TBXAS1: variants seen among roughly 807,000 people sequenced by gnomAD.
TBXAS1 encodes the protein thromboxane A synthase 1, also known as thromboxane-A synthase.
Under a neutral mutation model 60.7 loss-of-function variants are expected in TBXAS1, and 48 were observed. That is an observed-to-expected ratio of 0.79 (90% CI 0.63 to 1.01). TBXAS1 has a LOEUF of 1.01. Among genes scored for constraint, TBXAS1 ranks in the 50% least tolerant of loss-of-function variants. TBXAS1 has a pLI of 0.00. For synonymous variants in TBXAS1, 287 were observed against 269.7 expected, an observed-to-expected ratio of 1.06 and a Z score of -0.63; for missense variants, 685 against 686.3, an observed-to-expected ratio of 1.00 and a Z score of 0.02.
At chr7:139,835,855 A>G (rs1460845098) in intron 1 of TBXAS1, among the ~76,000 whole-genome samples, 2 of 152,254 alleles carry the variant, frequency 1.3e-5, no homozygotes, top group African/African-American at 2.4e-5. Flanking sequence ...TTTGCTGACA[A>G]TACAATCGTT....
chr7:140,009,950 CCCA>C (rs145564788), intron 10 of TBXAS1, among the ~76,000 whole-genome samples: 26 of 89,794 alleles, frequency 2.9e-4, no homozygotes, highest in African/African-American at 1.4e-3. Flanking sequence ...CCGCACCTGC[CCCA>C]CACCTGCCCC....
intron 3 of TBXAS1, among the ~76,000 whole-genome samples, chr7:139,888,977 G>A (rs748698676): frequency 1.3e-5 from 2 of 151,964 alleles, no homozygotes; most frequent in Non-Finnish European, 2.9e-5. Context: ...ACAGGTGAGA[G>A]AGATAAGAGT....
intron 4 of TBXAS1, among the ~76,000 whole-genome samples, chr7:139,790,629 A>G (rs1314453004): frequency 1.3e-5 from 2 of 152,250 alleles, no homozygotes; most frequent in Non-Finnish European, 2.9e-5. Context: ...AAATGAATGT[A>G]CATAGTAATA....
intron 9 of TBXAS1, among the ~76,000 whole-genome samples, chr7:139,972,048 G>C (rs1270346022): frequency 2.6e-5 from 4 of 152,202 alleles, no homozygotes; most frequent in African/African-American, 9.7e-5. Flanking sequence ...GCAGGGTGAA[G>C]AGCAGGACAG....
intron 4 of TBXAS1, among the ~76,000 whole-genome samples, chr7:139,919,388 AC>A (rs904042636): frequency 6.6e-6 from 1 of 152,210 alleles, no homozygotes; most frequent in African/African-American, 2.4e-5. Flanking sequence ...CATTACAACC[AC>A]TGAGGTATAA....
intron 3 of TBXAS1, among the ~76,000 whole-genome samples, chr7:139,881,133 C>T (rs928925577): frequency 2.6e-5 from 4 of 152,144 alleles, no homozygotes; most frequent in Non-Finnish European, 5.9e-5. Context: ...GATCTTTTCC[C>T]ACTTTATTTG....
intron 9 of TBXAS1, among the ~76,000 whole-genome samples, chr7:139,993,294 G>A (rs1813058699): frequency 6.6e-6 from 1 of 152,140 alleles, no homozygotes; most frequent in Non-Finnish European, 1.5e-5. Context: ...ATCATGTTGG[G>A]GAATAGGGTT....
intron 1 of TBXAS1, among the ~76,000 whole-genome samples, chr7:139,870,001 T>G (rs987233469): frequency 1.3e-5 from 2 of 152,190 alleles, no homozygotes; most frequent in Non-Finnish European, 2.9e-5. Context: ...CAGATTTGGG[T>G]GCAGGAACTT....
chr7:139,992,595 A>C (rs1812996875), intron 9 of TBXAS1, among the ~76,000 whole-genome samples: 1 of 152,222 alleles, frequency 6.6e-6, no homozygotes, highest in Non-Finnish European at 1.5e-5. Flanking sequence ...CAGGTGGAGG[A>C]GGCGGCCCTG....
intron 4 of TBXAS1, among the ~76,000 whole-genome samples, chr7:139,926,513 C>G (rs1395201017): frequency 2.0e-5 from 3 of 151,826 alleles, no homozygotes; most frequent in South Asian, 4.2e-4. Context: ...TTTACTTGAG[C>G]CTTCTTTCTT....
intron 5 of TBXAS1, among the ~76,000 whole-genome samples, chr7:139,943,322 G>A (rs1354748642): frequency 2.0e-5 from 3 of 152,202 alleles, no homozygotes; most frequent in Non-Finnish European, 4.4e-5. Flanking sequence ...CTAGCAGCGA[G>A]AGACCATTAT....
chr7:139,882,631 G>T (rs1432977051), intron 3 of TBXAS1, among the ~76,000 whole-genome samples: 1 of 152,166 alleles, frequency 6.6e-6, no homozygotes, highest in Non-Finnish European at 1.5e-5. Flanking sequence ...AATATACATA[G>T]TATATTGAGA....
At position 139,877,425 on chromosome 7, in the gene TBXAS1, GTTGT is replaced by G. The variant is rs555851588; in HGVS notation, c.236+1799_236+1802del. ...TTTGTTTTTGTTTTTTGTTGTTGTTGTTGTTTGTTTGTTTTGCAATAGAGTCTTG... is the reference window on the plus strand; with the variant it reads ...TTTGTTTTTGTTTTTTGTTGTTGTTGTTGTTTGTTTTGCAATAGAGTCTTG... On this transcript the variant is annotated intron_variant, in intron 3 of 12. Coordinates refer to ENST00000448866, the MANE Select transcript of TBXAS1 (RefSeq NM_001061.7). Among the ~76,000 whole-genome samples the G allele has an allele frequency of 1.0e-2, 1,515 of 152,208 alleles. 9 individuals carry two copies. Among genetic ancestry groups the G allele is most frequent in the Non-Finnish European group, 0.016 (1,055 of 68,002 alleles).
chr7:139,888,793 G>A (rs1374536699), intron 3 of TBXAS1, among the ~76,000 whole-genome samples: 1 of 152,092 alleles, frequency 6.6e-6, no homozygotes, highest in African/African-American at 2.4e-5. Context: ...GTGATGTTTG[G>A]GGCACAAGTA....
At chr7:139,826,117 C>A (rs1798430374), upstream of TBXAS1, among the ~76,000 whole-genome samples, 1 of 152,156 alleles carries the variant, frequency 6.6e-6, no homozygotes, top group Admixed American at 6.5e-5. Context: ...CGATGAGTCA[C>A]CCTCCATGCC....
At chr7:139,980,084 T>G (rs1811858177) in intron 9 of TBXAS1, among the ~76,000 whole-genome samples, 1 of 152,188 alleles carries the variant, frequency 6.6e-6, no homozygotes. Context: ...GCCCTCAAAA[T>G]TTAGCTTAAA....
At chr7:139,936,386 T>TG (rs1278661507) in intron 5 of TBXAS1, 79 bp downstream of exon 5, 4 of 1,402,460 alleles carry the variant, frequency 2.9e-6, no homozygotes, top group Non-Finnish European at 4.0e-6. Flanking sequence ...AGCCAGTTCA[T>TG]GTTGCATCAC....
At chr7:139,989,551 A>T (rs1404378065) in intron 9 of TBXAS1, among the ~76,000 whole-genome samples, 39 of 152,210 alleles carry the variant, frequency 2.6e-4, no homozygotes, top group Admixed American at 2.4e-3. Context: ...TACCTTGTTC[A>T]CTTTGCCCAA....
chr7:139,857,485 C>G (rs140873557), intron 1 of TBXAS1, among the ~76,000 whole-genome samples: 1 of 152,202 alleles, frequency 6.6e-6, no homozygotes, highest in Non-Finnish European at 1.5e-5. Flanking sequence ...AATACTTAAA[C>G]AAACAAAAGC....
Sources: allele counts gnomAD v4.1 joint callset (sites outside exome capture counted in the v4.1 genomes callset), GRCh38; gene constraint gnomAD v4.1.1; transcripts MANE v1.5; gene names NCBI Gene and HGNC (gene_info 2026-07-23, HGNC 2026-07-21).